Variants in PDIA6 observed in about 807,000 individuals in gnomAD.
PDIA6 encodes the protein protein disulfide-isomerase A6.
In PDIA6, 29 loss-of-function variants were observed where a neutral mutation model predicts 58.4. The ratio of observed to expected loss-of-function variants is 0.50; its 90% CI spans 0.37 to 0.68. PDIA6 has a LOEUF of 0.68. Ranked by LOEUF, PDIA6 falls within the 30% of genes least tolerant of loss-of-function variation. The pLI is 0.00. For synonymous variants in PDIA6, 192 were observed against 202.6 expected (o/e 0.95, Z 0.44); for missense variants, 480 against 551.0 (o/e 0.87, Z 1.29).
intron 1 of PDIA6, chr2:10,821,377 T>C (rs1004862223): frequency 2.6e-5 from 4 of 153,504 alleles, no homozygotes; most frequent in Admixed American, 1.3e-4. Context: ...AAAAAATGAA[T>C]AATTGCTGTG....
In PDIA6 at chr2:10,788,780, T is replaced by C. The variant is rs1734432; in HGVS notation, c.926-11A>G. The C allele has an allele frequency of 0.55, 882,307 of 1,604,936 alleles. 247,679 individuals are homozygous for C. Among genetic ancestry groups the C allele is most frequent in the Middle Eastern group, 0.59 (3,574 of 6,046 alleles). On this transcript the variant is annotated splice_polypyrimidine_tract_variant and intron_variant, in intron 9 of 12. Transcript: ENST00000272227. ...TTCTGCCTGCAGCTCCTGATTTAAATAGACAAAGTTTTTTAAAGGTAAAGA... is the reference window on the plus strand; with the variant it reads ...TTCTGCCTGCAGCTCCTGATTTAAACAGACAAAGTTTTTTAAAGGTAAAGA...
intron 2 of PDIA6, 51 bp from the exon 3 acceptor site, chr2:10,797,808 T>C (rs376920689): frequency 1.4e-6 from 2 of 1,421,234 alleles, no homozygotes; most frequent in African/African-American, 2.9e-5. Flanking sequence ...TGATTCTCAA[T>C]TCAAAAAATT....
intron 1 of PDIA6, among the ~76,000 whole-genome samples, chr2:10,804,256 T>C (rs552889037): frequency 1.3e-5 from 2 of 150,082 alleles, no homozygotes; most frequent in Non-Finnish European, 3.0e-5. Flanking sequence ...AAACAAACTT[T>C]AAAAACGAAA....
At chr2:10,797,887 A>G in intron 2 of PDIA6, 130 bp from the exon 3 acceptor site, 1 of 703,102 alleles carries the variant, frequency 1.4e-6, no homozygotes, top group East Asian at 2.7e-5. Context: ...GACAAGCACA[A>G]ATAAAACAGG....
chr2:10,798,573 C>CAA (rs71392259), intron 2 of PDIA6, among the ~76,000 whole-genome samples: 33 of 133,210 alleles, frequency 2.5e-4, no homozygotes, highest in South Asian at 1.2e-3. Flanking sequence ...GTCCCCCACC[C>CAA]AAAAAAAAAA....
Position 10,802,579 on chromosome 2 carries a change from C to T in PDIA6, c.81G>A (p.Val27=). 3 of 1,496,694 alleles carry T rather than the reference C, an allele frequency of 2.0e-6. No individual in the cohort carries two copies. Among genetic ancestry groups the T allele is most frequent in the Non-Finnish European group, 2.7e-6 (3 of 1,122,688 alleles). The allele number at this position is 1,496,694 out of a possible 1,614,324, so 92.7% of individuals were successfully genotyped here. The change falls in exon 2 of 13, where the codon GTG becomes GTA. Residue 27 remains valine, a synonymous_variant. Transcript: ENST00000272227. ...VNGLYSSSDD[V]IELTPSNFNR... is the part of the protein sequence containing the mutation. ...TGAAATTCGATGGAGTTAATTCGAT[C>T]ACATCATCACTAGAGGAATACAGAC...
Position 10,787,308 on chromosome 2 carries a change from C to CT in PDIA6, c.1129dup (p.Ser377LysfsTer2). ...GAGAAACTCGTTGATGCCTTGCTCA[C>CT]TGAAGGAGCCTTTTAGCAGAGCAAA... On this transcript the variant is annotated frameshift_variant, in exon 11 of 13. Transcript: ENST00000272227. LOFTEE classifies it high-confidence loss of function. 1 of 1,614,174 alleles carries CT rather than the reference C, an allele frequency of 6.2e-7. No homozygotes were observed.
Position 10,792,649 on chromosome 2 carries a change from C to CCT in PDIA6, c.453+445_453+446dup, listed in dbSNP as rs796974988. 4.6e-5 allele frequency among the ~76,000 whole-genome samples: 7 copies of CCT among 151,730 alleles called. No individual in the cohort carries two copies. The South Asian group carries it at 8.3e-4, about 18-fold the overall frequency. ...AGGGCATCTAAAACACCAATCTGCTCCTCTCTCTCTCTCTTCTTCCCTATC... is the reference window on the plus strand; with the variant it reads ...AGGGCATCTAAAACACCAATCTGCTCCTCTCTCTCTCTCTCTTCTTCCCTATC... On this transcript the variant is annotated intron_variant, in intron 5 of 12. Coordinates refer to ENST00000272227, the MANE Select transcript of PDIA6 (RefSeq NM_005742.4).
At chr2:10,836,543 C>CTTTT, upstream of PDIA6, among the ~76,000 whole-genome samples, 1 of 140,392 alleles carries the variant, frequency 7.1e-6, no homozygotes, top group Non-Finnish European at 1.5e-5. Context: ...CTTTTGCAGG[C>CTTTT]TTTTTTTTTT....
rs975773174 is a variant in PDIA6, at chr2:10,789,061, C to T, written c.841-80G>A. ...AAGGTAAGCTGGCAAACAAGACCTTCGCACCGTCACTTTCATTGAAAACAT... is the reference window on the plus strand; with the variant it reads ...AAGGTAAGCTGGCAAACAAGACCTTTGCACCGTCACTTTCATTGAAAACAT... On this transcript the variant is annotated intron_variant, in intron 8 of 12. Coordinates refer to ENST00000272227, the MANE Select transcript of PDIA6 (RefSeq NM_005742.4). 35 of 942,650 alleles carry T rather than the reference C, an allele frequency of 3.7e-5. 1 individual carries two copies. The highest frequency in any genetic ancestry group is 4.9e-5 in the Non-Finnish European group (28 of 570,424). The allele number at this position is 942,650 out of a possible 1,614,324, so 58.4% of individuals were successfully genotyped here.
At chr2:10,792,445 T>C (rs186464369) in intron 5 of PDIA6, among the ~76,000 whole-genome samples, 425 of 152,340 alleles carry the variant, frequency 2.8e-3, no homozygotes, top group Non-Finnish European at 4.9e-3. Context: ...GCAACTATGC[T>C]CATTAAATGT....
At chr2:10,784,850 A>T in intron 12 of PDIA6, 84 bp downstream of exon 12, 1 of 1,001,204 alleles carries the variant, frequency 1.0e-6, no homozygotes, top group Non-Finnish European at 1.5e-6. Context: ...GATGGGAAGG[A>T]CTTGACTCCA....
At chr2:10,788,870 A>T (rs1396176833) in intron 9 of PDIA6, 27 bp downstream of exon 9, 1 of 1,589,220 alleles carries the variant, frequency 6.3e-7, no homozygotes, top group Non-Finnish European at 8.6e-7. Flanking sequence ...TAGAACAGCT[A>T]AGGGAAATCA....
intron 1 of PDIA6, among the ~76,000 whole-genome samples, chr2:10,812,036 G>A (rs1423310134): frequency 1.3e-5 from 2 of 152,066 alleles, no homozygotes; most frequent in African/African-American, 4.8e-5. Flanking sequence ...TCAGCCTTCT[G>A]AGTAGCTGGG....
intron 11 of PDIA6, among the ~76,000 whole-genome samples, chr2:10,786,291 C>G (rs189862492): frequency 6.6e-6 from 1 of 150,812 alleles, no homozygotes; most frequent in East Asian, 2.0e-4. Context: ...CCAGCCCGGA[C>G]GACACAGCAA....
At chr2:10,798,573 C>CA (rs71392259) in intron 2 of PDIA6, among the ~76,000 whole-genome samples, 11,575 of 132,884 alleles carry the variant, frequency 0.087, 643 homozygotes, top group East Asian at 0.32. Context: ...GTCCCCCACC[C>CA]AAAAAAAAAA....
intron 1 of PDIA6, among the ~76,000 whole-genome samples, chr2:10,809,893 T>C (rs1011782207): frequency 3.3e-5 from 5 of 152,190 alleles, no homozygotes; most frequent in African/African-American, 1.2e-4. Flanking sequence ...ATTTAGTCAA[T>C]CCACTACTGA....
At chr2:10,820,048 C>T (rs1211010334) in intron 1 of PDIA6, among the ~76,000 whole-genome samples, 2 of 152,156 alleles carry the variant, frequency 1.3e-5, no homozygotes, top group South Asian at 2.1e-4. Flanking sequence ...ACACTGAAGT[C>T]CAGAGGTGTT....
upstream of PDIA6, among the ~76,000 whole-genome samples, chr2:10,834,923 T>C (rs1667797827): frequency 6.6e-6 from 1 of 151,980 alleles, no homozygotes; most frequent in Admixed American, 6.6e-5. Context: ...CGCACCACCA[T>C]GTCCGGCTAA....
Sources: allele counts gnomAD v4.1 joint callset (sites outside exome capture counted in the v4.1 genomes callset), GRCh38; gene constraint gnomAD v4.1.1; transcripts MANE v1.5; gene names NCBI Gene and HGNC (gene_info 2026-07-23, HGNC 2026-07-21).